The following CALN1 variants were observed in gnomAD, a reference collection of about 807,000 sequenced individuals.
The protein encoded by CALN1 is calneuron 1, also known as calcium-binding protein 8.
In CALN1, 17 loss-of-function variants were observed where a neutral mutation model predicts 30.6. The observed-to-expected ratio is 0.56, with a 90% CI of 0.38 to 0.83. CALN1 has a LOEUF of 0.83. Among genes scored for constraint, CALN1 ranks in the 40% least tolerant of loss-of-function variants. The pLI is 0.00. For synonymous variants in CALN1, 156 were observed against 131.4 expected, an observed-to-expected ratio of 1.19 and a Z score of -1.28; for missense variants, 291 against 354.9, an observed-to-expected ratio of 0.82 and a Z score of 1.45.
At chr7:72,272,759 T>C (rs2129553581) in intron 3 of CALN1, among the ~76,000 whole-genome samples, 1 of 152,202 alleles carries the variant, frequency 6.6e-6, no homozygotes, top group South Asian at 2.1e-4. Context: ...AGTCACTCCC[T>C]ACTTCACAGC....
At chr7:72,231,975 T>C (rs1249125170) in intron 3 of CALN1, among the ~76,000 whole-genome samples, 1 of 152,188 alleles carries the variant, frequency 6.6e-6, no homozygotes, top group African/African-American at 2.4e-5. Flanking sequence ...GACAAGACAG[T>C]GCATTGAGAA....
At chr7:72,142,414 G>A (rs914332676) in intron 3 of CALN1, among the ~76,000 whole-genome samples, 20 of 152,176 alleles carry the variant, frequency 1.3e-4, no homozygotes, top group African/African-American at 4.3e-4. Context: ...ACGCGGCAGC[G>A]AGCTGGGGGA....
chr7:72,009,349 T>G (rs1275770036), intron 5 of CALN1, among the ~76,000 whole-genome samples: 1 of 152,142 alleles, frequency 6.6e-6, no homozygotes, highest in East Asian at 1.9e-4. Flanking sequence ...CAAATCAAAT[T>G]CAAAACTTAC....
chr7:72,054,903 T>A (rs1032668794), intron 4 of CALN1, among the ~76,000 whole-genome samples: 5 of 151,532 alleles, frequency 3.3e-5, no homozygotes, highest in African/African-American at 7.3e-5. Flanking sequence ...GAAACTAAAA[T>A]AAAAACAAAA....
At position 72,335,778 on chromosome 7, in the gene CALN1, G is replaced by A. The variant is rs868549543; in HGVS notation, c.120-56968C>T. ...ACGATGGTGGGCTGGTGGCCCGGGC[G>A]CACGTGGCCCAAGGCTAAGACGCAA... On this transcript the variant is annotated intron_variant, in intron 2 of 6. Transcript: ENST00000395275. Among the ~76,000 whole-genome samples the A allele has an allele frequency of 7.2e-5, 11 of 152,314 alleles. No individual in the cohort carries two copies. In the South Asian group the frequency reaches 2.1e-3, roughly 29 times the overall value.
At chr7:72,195,052 C>A (rs2129547078) in intron 3 of CALN1, among the ~76,000 whole-genome samples, 1 of 152,324 alleles carries the variant, frequency 6.6e-6, no homozygotes, top group South Asian at 2.1e-4. Flanking sequence ...CATCCTCAAT[C>A]CTCAACATGA....
At chr7:72,412,927 T>C (rs1199560227), upstream of CALN1, among the ~76,000 whole-genome samples, 2 of 152,184 alleles carry the variant, frequency 1.3e-5, no homozygotes, top group Non-Finnish European at 2.9e-5. Flanking sequence ...TATTTAGGGT[T>C]ACCCTCTTTC....
the CALN1 span, among the ~76,000 whole-genome samples, chr7:72,475,944 T>C: frequency 1.5e-4 from 20 of 131,388 alleles, no homozygotes; most frequent in African/African-American, 5.3e-4. Flanking sequence ...TCTCTCTCTT[T>C]TTTTTTTTTT....
chr7:72,038,691 A>C (rs745840988), intron 4 of CALN1, among the ~76,000 whole-genome samples: 9 of 152,188 alleles, frequency 5.9e-5, no homozygotes, highest in Non-Finnish European at 1.0e-4. Context: ...GCAGTAAAGA[A>C]ACCAGCCAAA....
At chr7:72,001,929 G>GA (rs1402563220) in intron 5 of CALN1, among the ~76,000 whole-genome samples, 1 of 152,006 alleles carries the variant, frequency 6.6e-6, no homozygotes, top group Non-Finnish European at 1.5e-5. Context: ...ACAAACTAAA[G>GA]AAGAAAATCA....
chr7:72,207,535 G>T (rs940716875), intron 3 of CALN1, among the ~76,000 whole-genome samples: 2 of 152,164 alleles, frequency 1.3e-5, no homozygotes, highest in African/African-American at 4.8e-5. Context: ...AGGCTGGAGT[G>T]CAGTGGTGCA....
chr7:72,051,612 C>A (rs769893655), intron 4 of CALN1, among the ~76,000 whole-genome samples: 1 of 152,094 alleles, frequency 6.6e-6, no homozygotes, highest in Non-Finnish European at 1.5e-5. Context: ...CAAAAATACA[C>A]AAAAGAAAAC....
chr7:72,439,582 C>CTTT (rs11458809), intron 1 of CALN1, among the ~76,000 whole-genome samples: 15 of 143,760 alleles, frequency 1.0e-4, no homozygotes, highest in Admixed American at 7.6e-4. Context: ...GTCGTTTATT[C>CTTT]TTTTTTTTTT....
intron 2 of CALN1, among the ~76,000 whole-genome samples, chr7:72,357,332 C>A (rs1803293049): frequency 6.6e-6 from 1 of 151,984 alleles, no homozygotes; most frequent in Non-Finnish European, 1.5e-5. Flanking sequence ...AAAGGTTCCT[C>A]CTGCACCACA....
chr7:72,407,685 C>T (rs1806796915), intron 1 of CALN1, among the ~76,000 whole-genome samples: 1 of 152,150 alleles, frequency 6.6e-6, no homozygotes, highest in Non-Finnish European at 1.5e-5. Flanking sequence ...GTAAATTACC[C>T]AGTCTCAGGG....
intron 5 of CALN1, among the ~76,000 whole-genome samples, chr7:71,841,951 G>C (rs906615524): frequency 1.3e-5 from 2 of 151,164 alleles, no homozygotes; most frequent in African/African-American, 4.9e-5. Context: ...CCCCAGCATT[G>C]TACAATATAT....
At chr7:72,156,341 C>A (rs777142005) in intron 3 of CALN1, among the ~76,000 whole-genome samples, 3 of 152,188 alleles carry the variant, frequency 2.0e-5, no homozygotes, top group Non-Finnish European at 4.4e-5. Flanking sequence ...TCAGAAAGGA[C>A]CCCTGAATAC....
intron 3 of CALN1, among the ~76,000 whole-genome samples, chr7:72,144,754 A>C (rs1810221153): frequency 6.6e-6 from 1 of 152,250 alleles, no homozygotes. Flanking sequence ...GTAAAAGAAC[A>C]GAAATTATAA....
intron 3 of CALN1, among the ~76,000 whole-genome samples, chr7:72,277,045 T>C (rs556523945): frequency 3.4e-4 from 51 of 151,662 alleles, no homozygotes; most frequent in African/African-American, 1.2e-3. Flanking sequence ...CGAAATAAAT[T>C]TCTGTTCTTT....
Sources: allele counts gnomAD v4.1 joint callset (sites outside exome capture counted in the v4.1 genomes callset), GRCh38; gene constraint gnomAD v4.1.1; transcripts MANE v1.5; gene names NCBI Gene and HGNC (gene_info 2026-07-23, HGNC 2026-07-21).